Variants in GPC6 observed in about 807,000 individuals in gnomAD.
GPC6 encodes the protein glypican 6, also known as glypican-6.
In GPC6, 14 loss-of-function variants were observed where a neutral mutation model predicts 55.2. The ratio of observed to expected loss-of-function variants is 0.25; its 90% confidence interval spans 0.17 to 0.40. The LOEUF (loss-of-function observed/expected upper bound fraction) is 0.40, where lower values mean the gene tolerates loss of function less well. Ranked by LOEUF, GPC6 falls within the 10% of genes least tolerant of loss-of-function variation. The pLI is 1.00. For missense variants in GPC6, 641 were observed against 708.5 expected (o/e 0.90, Z 1.08); for synonymous variants, 278 against 259.6 (o/e 1.07, Z -0.68).
chr13:93,249,408 G>A (rs879266004), intron 1 of GPC6, among the ~76,000 whole-genome samples: 3 of 152,140 alleles, frequency 2.0e-5, no homozygotes, highest in Non-Finnish European at 4.4e-5. Context: ...CTGTTGTTCT[G>A]AGTGTTTAGT....
chr13:93,524,910 C>T (rs570341595), intron 1 of GPC6, among the ~76,000 whole-genome samples: 2 of 152,104 alleles, frequency 1.3e-5, no homozygotes, highest in South Asian at 2.1e-4. Context: ...CTGCAGAGGG[C>T]GATAATTCTG....
intron 8 of GPC6, among the ~76,000 whole-genome samples, chr13:94,400,134 A>T (rs1881063777): frequency 6.6e-6 from 1 of 152,252 alleles, no homozygotes. Flanking sequence ...ATCAACAATT[A>T]AGAGGATCCC....
At chr13:93,376,194 A>C (rs771997650) in intron 1 of GPC6, among the ~76,000 whole-genome samples, 2 of 152,074 alleles carry the variant, frequency 1.3e-5, no homozygotes, top group African/African-American at 2.4e-5. Flanking sequence ...CCCTTCATGG[A>C]ATATCAGTCT....
rs116656602 is a variant in GPC6 at position 93,475,419 on chromosome 13, C to T, written c.161-69844C>T. On this transcript the variant is annotated intron_variant, in intron 1 of 8. Transcript: ENST00000377047. The stretch of plus-strand genomic sequence containing the variant: ...AACTGTATGATAGTACCTTAATTTA[C>T]GTTTCATTTGTGTTTCAATACTCTA... Among the ~76,000 whole-genome samples the T allele has an allele frequency of 6.8e-3, 1,037 of 151,538 alleles. 2 individuals carry two copies. The highest frequency in any genetic ancestry group is 0.013 in the Admixed American group (197 of 15,190).
intron 1 of GPC6, among the ~76,000 whole-genome samples, chr13:93,297,020 G>T (rs568182393): frequency 6.6e-6 from 1 of 152,158 alleles, no homozygotes; most frequent in African/African-American, 2.4e-5. Context: ...TCACGTGTAG[G>T]CTGGAGTTAG....
rs576111098 is a variant in GPC6 at position 93,755,447 on chromosome 13, A to G, written c.320-74707A>G. On this transcript the variant is annotated intron_variant, in intron 2 of 8. Transcript: ENST00000377047. ...AAGTAAATACAGATTATGTGGCAGG[A>G]ATTTTAGAGCTCTGGAAAGGCCCTA... 2.0e-5 allele frequency among the ~76,000 whole-genome samples: 3 copies of G among 152,270 alleles called. No individual in the cohort carries two copies. The South Asian group carries it at 6.2e-4, about 32-fold the overall frequency.
At chr13:93,307,757 G>A (rs1277416621) in intron 1 of GPC6, among the ~76,000 whole-genome samples, 2 of 152,012 alleles carry the variant, frequency 1.3e-5, no homozygotes, top group Non-Finnish European at 2.9e-5. Context: ...AAGATCTTTT[G>A]AGATCTATTG....
At chr13:94,399,906 A>T (rs1881056300) in intron 8 of GPC6, among the ~76,000 whole-genome samples, 1 of 152,112 alleles carries the variant, frequency 6.6e-6, no homozygotes, top group African/African-American at 2.4e-5. Flanking sequence ...CACACCTCTC[A>T]TTTTATCCAT....
At chr13:93,482,108 G>A (rs191483297) in intron 1 of GPC6, among the ~76,000 whole-genome samples, 8 of 152,070 alleles carry the variant, frequency 5.3e-5, no homozygotes, top group Middle Eastern at 3.4e-3. Context: ...AAATTTCAGC[G>A]TACGCCTCTT....
chr13:93,886,766 T>G (rs1307734161), intron 3 of GPC6, among the ~76,000 whole-genome samples: 16 of 151,780 alleles, frequency 1.1e-4, no homozygotes, highest in African/African-American at 3.1e-4. Context: ...TTTTGTTTTT[T>G]TTTTTTTCAT....
chr13:94,403,194 G>A lies in GPC6; in HGVS notation c.1645G>A (p.Ala549Thr), dbSNP rs1481469490. The change falls in exon 9 of 9, where the codon GCA becomes ACA. Residue 549 changes from alanine to threonine, a missense_variant. By Grantham distance (58) the Ala-to-Thr change is moderately conservative (BLOSUM62 0). Transcript: ENST00000377047. ...LSWSLTCIVLALQRLCR is the reference protein window; with the variant it reads ...LSWSLTCIVLTLQRLCR ...CTGGTCTCTCACCTGCATTGTCCTG[G>A]CACTGCAGAGACTGTGCAGATAATC... is the stretch of plus-strand genomic sequence containing the variant. 1.9e-6 allele frequency: 3 copies of A among 1,613,030 alleles called. No homozygotes were observed. In the African/African-American group the frequency reaches 4.0e-5, roughly 22 times the overall value.
intron 7 of GPC6, among the ~76,000 whole-genome samples, chr13:94,385,789 T>A (rs974433570): frequency 9.9e-5 from 15 of 152,056 alleles, no homozygotes; most frequent in African/African-American, 3.4e-4. Context: ...TCAAAGAAAT[T>A]TTTCACTTAA....
intron 1 of GPC6, among the ~76,000 whole-genome samples, chr13:93,433,146 G>A (rs924214661): frequency 6.6e-6 from 1 of 152,084 alleles, no homozygotes; most frequent in Non-Finnish European, 1.5e-5. Flanking sequence ...TTAAAATTCA[G>A]GTAATTTTTG....
At chr13:93,291,559 G>A (rs1451517807) in intron 1 of GPC6, among the ~76,000 whole-genome samples, 1 of 152,028 alleles carries the variant, frequency 6.6e-6, no homozygotes, top group Non-Finnish European at 1.5e-5. Context: ...AGTTTAAGTA[G>A]CTCATTTCTT....
At chr13:93,825,718 G>A (rs1295689074) in intron 2 of GPC6, among the ~76,000 whole-genome samples, 1 of 152,146 alleles carries the variant, frequency 6.6e-6, no homozygotes, top group East Asian at 1.9e-4. Flanking sequence ...TGACACATGT[G>A]TGTGGAATGA....
chr13:93,792,446 G>A (rs554695148), intron 2 of GPC6, among the ~76,000 whole-genome samples: 29 of 152,328 alleles, frequency 1.9e-4, no homozygotes, highest in African/African-American at 7.0e-4. Context: ...GGGTAGCTGG[G>A]AATACAGGTG....
At chr13:93,339,966 T>A (rs935097764) in intron 1 of GPC6, among the ~76,000 whole-genome samples, 1 of 151,692 alleles carries the variant, frequency 6.6e-6, no homozygotes. Context: ...TGTATAAGTG[T>A]GCTAATGTAT....
At chr13:94,059,818 C>T (rs1282925379) in intron 4 of GPC6, among the ~76,000 whole-genome samples, 6 of 151,846 alleles carry the variant, frequency 4.0e-5, no homozygotes, top group Non-Finnish European at 7.4e-5. Context: ...AGGGCTCCTC[C>T]TTCATGACCT....
intron 2 of GPC6, among the ~76,000 whole-genome samples, chr13:93,603,610 G>C (rs1410269710): frequency 1.3e-5 from 2 of 152,186 alleles, no homozygotes; most frequent in African/African-American, 4.8e-5. Flanking sequence ...GTGCTCATAA[G>C]CATCTCACTG....
Sources: allele counts gnomAD v4.1 joint callset (sites outside exome capture counted in the v4.1 genomes callset), GRCh38; gene constraint gnomAD v4.1.1; transcripts MANE v1.5; gene names NCBI Gene and HGNC (gene_info 2026-07-23, HGNC 2026-07-21).